Variants in APOL5 observed in about 807,000 individuals in gnomAD.
APOL5 encodes the protein apolipoprotein L5.
A neutral mutation model predicts 35.5 loss-of-function variants in APOL5; 29 were observed. That is an observed-to-expected ratio of 0.82 (90% confidence interval 0.61 to 1.11). The LOEUF (loss-of-function observed/expected upper bound fraction) is 1.11, where lower values mean the gene tolerates loss of function less well. Among genes scored for constraint, APOL5 ranks in the 50% most tolerant of loss-of-function variants. The pLI, the probability that APOL5 is intolerant of heterozygous loss-of-function variation, is 0.00. For missense variants in APOL5, 514 were observed against 530.4 expected (o/e 0.97, Z 0.30); for synonymous variants, 188 against 200.2 (o/e 0.94, Z 0.51).
chr22:35,720,700 C>A, intron 2 of APOL5, 46 bp downstream of exon 2: 2 of 1,349,978 alleles, frequency 1.5e-6, no homozygotes, highest in Non-Finnish European at 2.1e-6. Flanking sequence ...ACAATCCCAG[C>A]ATCCAAAACA....
At chr22:35,720,727 C>T in intron 2 of APOL5, 73 bp downstream of exon 2, 1 of 1,101,824 alleles carries the variant, frequency 9.1e-7, no homozygotes, top group Non-Finnish European at 1.4e-6. Flanking sequence ...GTCACAGACC[C>T]AGCACTCAAT....
the APOL5 span, among the ~76,000 whole-genome samples, chr22:35,710,113 C>CTTTTTTTTTTT: frequency 5.8e-5 from 5 of 86,670 alleles, no homozygotes; most frequent in African/African-American, 6.9e-5. Flanking sequence ...CTTTCTTTCT[C>CTTTTTTTTTTT]TTTTTTTTTT....
intron 1 of APOL5, among the ~76,000 whole-genome samples, chr22:35,719,719 C>T (rs1362147027): frequency 7.6e-6 from 1 of 131,610 alleles, no homozygotes; most frequent in Non-Finnish European, 1.6e-5. Context: ...TCCGACCCCA[C>T]AGCAGCCCCA....
At chr22:35,718,051 G>A (rs1926823037) in intron 1 of APOL5, 125 bp downstream of exon 1, 9 of 665,292 alleles carry the variant, frequency 1.4e-5, no homozygotes, top group Admixed American at 4.0e-5. Context: ...TGGAGATATA[G>A]CAGATCCTTG....
At chr22:35,716,115 G>T (rs900927620), upstream of APOL5, among the ~76,000 whole-genome samples, 2 of 152,186 alleles carry the variant, frequency 1.3e-5, no homozygotes, top group Non-Finnish European at 1.5e-5. Context: ...AACAAAAAAA[G>T]AAAACAATAT....
Position 35,728,880 on chromosome 22 carries a change from G to A in APOL5, c.1284G>A (p.Pro428=), listed in dbSNP as rs752353710. 7.5e-6 allele frequency: 12 copies of A among 1,604,746 alleles called. No homozygotes were observed. Among genetic ancestry groups the A allele is most frequent in the African/African-American group, 2.7e-5 (2 of 74,478 alleles). ...CAGCAAGAAAGGGGAGACAGGCCCCGGGAAGACACCGACAATGAGAAGAGG... is the reference window on the plus strand; with the variant it reads ...CAGCAAGAAAGGGGAGACAGGCCCCAGGAAGACACCGACAATGAGAAGAGG... ...PAPARKGRQA[P]GRHRQ Residue 428 remains proline, a synonymous_variant, in exon 4 of 5, where the codon CCG becomes CCA. Transcript: ENST00000249044.
intron 1 of APOL5, among the ~76,000 whole-genome samples, chr22:35,718,318 G>A (rs1216758015): frequency 1.3e-5 from 2 of 152,146 alleles, no homozygotes; most frequent in East Asian, 1.9e-4. Context: ...TATCAAAACT[G>A]TTATGACCCC....
chr22:35,719,285 T>C (rs1158347886), intron 1 of APOL5, among the ~76,000 whole-genome samples: 2 of 152,142 alleles, frequency 1.3e-5, no homozygotes, highest in African/African-American at 4.8e-5. Context: ...AAAGTGATTT[T>C]TGAGCAACAA....
intron 1 of APOL5, among the ~76,000 whole-genome samples, chr22:35,720,313 G>C (rs534141827): frequency 6.6e-6 from 1 of 152,340 alleles, no homozygotes; most frequent in African/African-American, 2.4e-5. Flanking sequence ...AATCTACTTT[G>C]CCACTAGAAG....
upstream of APOL5, chr22:35,717,781 G>A (rs1016247300): frequency 9.1e-6 from 4 of 440,520 alleles, 1 homozygote; most frequent in Admixed American, 8.7e-5. Context: ...AAAAAAATAG[G>A]TGAGGACTGG....
In APOL5 at chr22:35,728,752, G is replaced by A; in HGVS notation, c.1156G>A (p.Val386Met). 1.2e-6 allele frequency: 2 copies of A among 1,613,274 alleles called. No homozygotes were observed. Among genetic ancestry groups the A allele is most frequent in the Non-Finnish European group, 1.7e-6 (2 of 1,179,602 alleles). ...GSRSPLPWPVVEHQPRLGPGV... is the reference protein window; with the variant it reads ...GSRSPLPWPVMEHQPRLGPGV... ...TCGCTCACCTCTCCCCTGGCCTGTT[G>A]TGGAGCACCAGCCTAGGCTGGGCCC... Residue 386 changes from valine to methionine, a missense_variant, in exon 4 of 5, where the codon GTG (valine) becomes ATG (methionine). Val to Met is a conservative substitution (Grantham distance 21, BLOSUM62 1). Transcript: ENST00000249044.
chr22:35,717,235 A>AAAAAAAATATATATATATAT, upstream of APOL5, among the ~76,000 whole-genome samples: 3 of 57,662 alleles, frequency 5.2e-5, no homozygotes, highest in Non-Finnish European at 9.3e-5. Context: ...AAAAAAAAAA[A>AAAAAAAATATATATATATAT]ATATATATAT....
At chr22:35,719,764 G>T (rs1444267537) in intron 1 of APOL5, among the ~76,000 whole-genome samples, 1 of 152,232 alleles carries the variant, frequency 6.6e-6, no homozygotes, top group Non-Finnish European at 1.5e-5. Flanking sequence ...CCGAGCCCCA[G>T]TGAGCTTATC....
At chr22:35,717,235 A>AAAAAAAAAAAAAAAAAATATATAT, upstream of APOL5, among the ~76,000 whole-genome samples, 1 of 57,660 alleles carries the variant, frequency 1.7e-5, no homozygotes, top group South Asian at 1.1e-3. Flanking sequence ...AAAAAAAAAA[A>AAAAAAAAAAAAAAAAAATATATAT]ATATATATAT....
At chr22:35,718,391 G>A (rs138897585) in intron 1 of APOL5, among the ~76,000 whole-genome samples, 5,356 of 151,646 alleles carry the variant, frequency 0.035, 130 homozygotes, top group Middle Eastern at 0.079. Flanking sequence ...GCCAACATGG[G>A]CAGATCACTT....
upstream of APOL5, among the ~76,000 whole-genome samples, chr22:35,713,452 C>T (rs1926648018): frequency 6.6e-6 from 1 of 152,156 alleles, no homozygotes; most frequent in Non-Finnish European, 1.5e-5. Flanking sequence ...CTCCACCTAC[C>T]ATTGGTGTTT....
At chr22:35,708,562 C>T in the APOL5 span, among the ~76,000 whole-genome samples, 1 of 152,170 alleles carries the variant, frequency 6.6e-6, no homozygotes, top group South Asian at 2.1e-4. Flanking sequence ...GCTGGTTTGT[C>T]AAGAACCTTC....
At chr22:35,711,274 C>T in the APOL5 span, among the ~76,000 whole-genome samples, 3,561 of 151,162 alleles carry the variant, frequency 0.024, 63 homozygotes, top group South Asian at 0.047. Context: ...TTTTGGTCAT[C>T]CATTCATCCA....
At chr22:35,727,965 A>C (rs1294007420) in intron 3 of APOL5, among the ~76,000 whole-genome samples, 1 of 152,266 alleles carries the variant, frequency 6.6e-6, no homozygotes, top group East Asian at 1.9e-4. Context: ...TCACAACCTG[A>C]AACCCGGGAA....
Sources: allele counts gnomAD v4.1 joint callset (sites outside exome capture counted in the v4.1 genomes callset), GRCh38; gene constraint gnomAD v4.1.1; transcripts MANE v1.5; gene names NCBI Gene and HGNC (gene_info 2026-07-23, HGNC 2026-07-21).